Variants in ADK observed in about 807,000 individuals in gnomAD.
ADK encodes adenosine kinase.
Under a neutral mutation model 44.7 loss-of-function variants are expected in ADK, and 24 were observed. The observed-to-expected ratio is 0.54, with a 90% confidence interval of 0.39 to 0.76. The LOEUF (loss-of-function observed/expected upper bound fraction) is 0.76. ADK is among the 30% of genes least tolerant of loss of function. The pLI, the probability that ADK is intolerant of heterozygous loss-of-function variation, is 0.00. For missense variants in ADK, 321 were observed against 425.1 expected, an observed-to-expected ratio of 0.76 and a Z score of 2.15; for synonymous variants, 128 against 142.6, an observed-to-expected ratio of 0.90 and a Z score of 0.73.
At chr10:74,189,461 A>G (rs1431861780) in intron 1 of ADK, among the ~76,000 whole-genome samples, 4 of 152,164 alleles carry the variant, frequency 2.6e-5, no homozygotes, top group Non-Finnish European at 4.4e-5. Context: ...GCTCTGCAAT[A>G]TTTTGAGGTT....
At chr10:74,449,564 G>A (rs1390306877) in intron 6 of ADK, among the ~76,000 whole-genome samples, 2 of 152,076 alleles carry the variant, frequency 1.3e-5, no homozygotes, top group South Asian at 2.1e-4. Context: ...TTAAATTTTT[G>A]AGAATCTGTT....
Position 74,172,689 on chromosome 10 carries a change from C to CAAAAAAA in ADK, c.65+21361_65+21367dup, listed in dbSNP as rs67914966. ...GGGCAACAAGAGTGAAACTCCATCT[C>CAAAAAAA]AAAAAAAAAAAAAAAAAAAAAGCGG... On this transcript the variant is annotated intron_variant, in intron 1 of 10. Transcript: ENST00000539909. 4.5e-5 allele frequency among the ~76,000 whole-genome samples: 3 copies of CAAAAAAA among 66,292 alleles called. 1 individual carries two copies. Among genetic ancestry groups the CAAAAAAA allele is most frequent in the African/African-American group, 1.2e-4 (2 of 17,022 alleles). 43.5% of individuals were successfully genotyped at this position (66,292 alleles called of 152,430 possible).
chr10:74,623,720 C>CATATATAT (rs149098919), intron 9 of ADK, among the ~76,000 whole-genome samples: 5 of 148,266 alleles, frequency 3.4e-5, no homozygotes, highest in African/African-American at 1.2e-4. Context: ...GTATTCTAGG[C>CATATATAT]ATATATATAT....
intron 8 of ADK, among the ~76,000 whole-genome samples, chr10:74,592,588 T>A (rs570214578): frequency 1.3e-5 from 2 of 152,248 alleles, no homozygotes; most frequent in African/African-American, 2.4e-5. Flanking sequence ...AGATTTTTTT[T>A]AAATTTTAGA....
intron 2 of ADK, among the ~76,000 whole-genome samples, chr10:74,205,636 A>G (rs1398512534): frequency 6.8e-6 from 1 of 146,716 alleles, no homozygotes; most frequent in African/African-American, 2.5e-5. Context: ...AGATTGCACC[A>G]CTGCACTCCA....
intron 2 of ADK, among the ~76,000 whole-genome samples, chr10:74,220,784 G>A (rs1231049740): frequency 1.3e-5 from 2 of 152,130 alleles, no homozygotes; most frequent in African/African-American, 4.8e-5. Context: ...GATTATCTCA[G>A]TAGATGCAGA....
At chr10:74,179,586 C>T (rs964280599) in intron 1 of ADK, among the ~76,000 whole-genome samples, 2 of 152,136 alleles carry the variant, frequency 1.3e-5, no homozygotes, top group Non-Finnish European at 2.9e-5. Flanking sequence ...CCCACCAGTG[C>T]CATTGACAGT....
chr10:74,372,626 T>G (rs1474028553), intron 4 of ADK, among the ~76,000 whole-genome samples: 2 of 152,062 alleles, frequency 1.3e-5, no homozygotes, highest in Non-Finnish European at 2.9e-5. Flanking sequence ...AAAGAAATAA[T>G]GTACTTAAGT....
chr10:74,590,043 T>G (rs983857775), intron 8 of ADK, among the ~76,000 whole-genome samples: 1 of 152,162 alleles, frequency 6.6e-6, no homozygotes, highest in Non-Finnish European at 1.5e-5. Flanking sequence ...GATAACCGTG[T>G]TTTTTATCTG....
At chr10:74,185,478 T>G (rs1391855245) in intron 1 of ADK, among the ~76,000 whole-genome samples, 1 of 151,826 alleles carries the variant, frequency 6.6e-6, no homozygotes, top group African/African-American at 2.4e-5. Context: ...AAGAAACACA[T>G]TTCCCTAGTC....
chr10:74,633,503 A>G (rs180762331), intron 9 of ADK, among the ~76,000 whole-genome samples: 2 of 152,336 alleles, frequency 1.3e-5, no homozygotes, highest in East Asian at 3.9e-4. Context: ...ATGTGATAGC[A>G]TACATAATGA....
chr10:74,155,256 G>A (rs1490546641), intron 1 of ADK, among the ~76,000 whole-genome samples: 1 of 152,140 alleles, frequency 6.6e-6, no homozygotes, highest in Non-Finnish European at 1.5e-5. Context: ...GCCAAGGTGG[G>A]AGGTTTGCTT....
intron 10 of ADK, among the ~76,000 whole-genome samples, chr10:74,693,653 A>G (rs1310691575): frequency 6.6e-6 from 1 of 152,212 alleles, no homozygotes; most frequent in African/African-American, 2.4e-5. Flanking sequence ...CTTGGTATAT[A>G]GCTTCTGTAA....
At chr10:74,688,448 A>C (rs1279317770) in intron 10 of ADK, among the ~76,000 whole-genome samples, 1 of 152,216 alleles carries the variant, frequency 6.6e-6, no homozygotes, top group African/African-American at 2.4e-5. Context: ...AAATAAATGA[A>C]TATATCAATC....
intron 4 of ADK, among the ~76,000 whole-genome samples, chr10:74,317,524 G>A (rs1840664940): frequency 1.3e-5 from 2 of 148,274 alleles, no homozygotes; most frequent in African/African-American, 5.0e-5. Context: ...CCAGTAGTTT[G>A]AGACCAGCCT....
At chr10:74,350,417 G>A (rs568603099) in intron 4 of ADK, among the ~76,000 whole-genome samples, 9 of 152,294 alleles carry the variant, frequency 5.9e-5, no homozygotes, top group Admixed American at 2.6e-4. Context: ...CAAAAGCAGT[G>A]TTAAGAGGGA....
chr10:74,443,474 C>T (rs1026662394), intron 6 of ADK, among the ~76,000 whole-genome samples: 2 of 152,064 alleles, frequency 1.3e-5, no homozygotes, highest in African/African-American at 4.8e-5. Context: ...TGATCTCATT[C>T]ATGAAAAGTC....
At chr10:74,161,151 T>A (rs1278862954) in intron 1 of ADK, among the ~76,000 whole-genome samples, 6 of 152,244 alleles carry the variant, frequency 3.9e-5, no homozygotes, top group Non-Finnish European at 8.8e-5. Context: ...GCCTCATAAC[T>A]GATCACTTCA....
Position 74,666,504 on chromosome 10 carries a change from A to C in ADK, c.878-3679A>C, listed in dbSNP as rs148352366. 3.3e-5 allele frequency among the ~76,000 whole-genome samples: 5 copies of C among 152,328 alleles called. No homozygotes were observed. The East Asian group carries it at 9.6e-4, about 29-fold the overall frequency. ...CTTCTCACTTTACAAAAAGTTTGTG[A>C]AGAATTGAGAAATAAATGCTACGAA... On this transcript the variant is annotated intron_variant, in intron 9 of 10. Transcript: ENST00000539909.
Sources: gnomAD v4.1 joint callset for allele counts (sites outside exome capture counted in the v4.1 genomes callset) on GRCh38, gnomAD v4.1.1 for gene constraint, MANE v1.5 for transcripts, NCBI Gene and HGNC (gene_info 2026-07-23, HGNC 2026-07-21) for gene names.